LY6E: variants seen among roughly 807,000 people sequenced by gnomAD.
LY6E encodes lymphocyte antigen 6E.
A neutral mutation model predicts 7.7 loss-of-function variants in LY6E; 4 were observed. The ratio of observed to expected loss-of-function variants is 0.52; its 90% CI spans 0.25 to 1.18. The LOEUF (loss-of-function observed/expected upper bound fraction) is 1.18. Among genes scored for constraint, LY6E ranks in the 50% most tolerant of loss-of-function variants. The probability of loss-of-function intolerance (pLI) is 0.14; values close to 1 mark genes in which losing one functional copy is unlikely to be tolerated. For synonymous variants in LY6E, 81 were observed against 80.1 expected (o/e 1.01, Z -0.06); for missense variants, 156 against 168.0 (o/e 0.93, Z 0.40).
chr8:143,019,928 G>A (rs1819176479), intron 1 of LY6E, among the ~76,000 whole-genome samples: 1 of 152,236 alleles, frequency 6.6e-6, no homozygotes, highest in Admixed American at 6.5e-5. Context: ...CCTGTGCAGA[G>A]GCCGAGGAGC....
Position 143,021,875 on chromosome 8 carries a change from C to T in LY6E, c.*86C>T. On this transcript the variant is annotated 3_prime_UTR_variant, in exon 4 of 4. Transcript: ENST00000292494. ...TCCCACAGTGTATGGGAGCCCCTGACTCCTCACGTGCCTGATCTGTGCCCT... is the reference window on the plus strand; with the variant it reads ...TCCCACAGTGTATGGGAGCCCCTGATTCCTCACGTGCCTGATCTGTGCCCT... 1 of 1,232,762 alleles carries T rather than the reference C, an allele frequency of 8.1e-7. No individual in the cohort carries two copies. Among genetic ancestry groups the T allele is most frequent in the South Asian group, 1.4e-5 (1 of 69,636 alleles). 76.4% of individuals were successfully genotyped at this position (1,232,762 alleles called of 1,614,324 possible).
intron 1 of LY6E, 109 bp from the exon 2 acceptor site, chr8:143,020,774 G>A (rs1445937255): frequency 6.3e-6 from 4 of 634,118 alleles, no homozygotes; most frequent in Non-Finnish European, 1.1e-5. Flanking sequence ...TTGTGTGCTG[G>A]CAGGTCCCTT....
intron 1 of LY6E, among the ~76,000 whole-genome samples, chr8:143,019,581 G>A (rs1475901024): frequency 6.6e-6 from 1 of 152,228 alleles, no homozygotes; most frequent in African/African-American, 2.4e-5. Flanking sequence ...CCTGGAGGCG[G>A]GGATAGGCCC....
chr8:143,019,553 T>A (rs930145010), intron 1 of LY6E, among the ~76,000 whole-genome samples: 1 of 152,190 alleles, frequency 6.6e-6, no homozygotes, highest in Non-Finnish European at 1.5e-5. Context: ...TTGGAGATCC[T>A]TCCTCCTCGG....
In LY6E at chr8:143,021,815, C is replaced by T; in HGVS notation, c.*26C>T. 6.4e-7 allele frequency: 1 copy of T among 1,568,184 alleles called. No individual in the cohort carries two copies. The highest frequency in any genetic ancestry group is 8.6e-7 in the Non-Finnish European group (1 of 1,159,620). ...CCGCCCAGACCCTGTCCCCCGATCC[C>T]CCAGCTCAGGAAGGAAAGCCCAGCC... is the stretch of plus-strand genomic sequence containing the variant. On this transcript the variant is annotated 3_prime_UTR_variant, in exon 4 of 4. Transcript: ENST00000292494.
chr8:143,021,465 C>A, intron 3 of LY6E, 32 bp downstream of exon 3: 1 of 1,613,810 alleles, frequency 6.2e-7, no homozygotes, highest in Non-Finnish European at 8.5e-7. Context: ...GTGCCTTCCT[C>A]CCCTGGCCAT....
intron 1 of LY6E, 73 bp from the exon 2 acceptor site, chr8:143,020,810 T>C: frequency 1.3e-6 from 1 of 783,418 alleles, no homozygotes; most frequent in Non-Finnish European, 2.1e-6. Flanking sequence ...TGTCCTCATC[T>C]GCAAAGTGGG....
Position 143,021,299 on chromosome 8 carries a change from G to A in LY6E, c.53-15G>A, listed in dbSNP as rs755812045. On this transcript the variant is annotated splice_polypyrimidine_tract_variant and intron_variant, in intron 2 of 3. Transcript: ENST00000292494. The stretch of plus-strand genomic sequence containing the variant: ...CTGGAGGCTTCCCTGAGACAGGTGT[G>A]TCCTCCTTCCGCAGCCAGCTCGCTG... The A allele has an allele frequency of 2.5e-6, 4 of 1,611,288 alleles. No homozygotes were observed. In the African/African-American group the frequency reaches 5.3e-5, roughly 21 times the overall value.
At chr8:143,020,068 G>C (rs983835069) in intron 1 of LY6E, among the ~76,000 whole-genome samples, 2 of 152,126 alleles carry the variant, frequency 1.3e-5, no homozygotes, top group Non-Finnish European at 2.9e-5. Context: ...CCTCGGAACT[G>C]AGTAACATCA....
chr8:143,021,929 C>T lies in LY6E; in HGVS notation c.*140C>T, dbSNP rs1819236680. ...TCCCAGGTCAGGCCCACCCCCTGCA[C>T]CTCCACCTGCCCCAGCCCCTGCCTC... is the stretch of plus-strand genomic sequence containing the variant. On this transcript the variant is annotated 3_prime_UTR_variant, in exon 4 of 4. Transcript: ENST00000292494. The T allele has an allele frequency of 2.8e-6, 2 of 724,678 alleles. No individual in the cohort carries two copies. Among genetic ancestry groups the T allele is most frequent in the East Asian group, 2.7e-5 (1 of 36,734 alleles). 44.9% of individuals were successfully genotyped at this position (724,678 alleles called of 1,614,324 possible). A position where few individuals can be genotyped will look rare whatever the true frequency, so the allele number is the denominator to read the frequency against.
At position 143,022,118 on chromosome 8, in the gene LY6E, G is replaced by C. The variant is rs1176672995; in HGVS notation, c.*329G>C. The C allele has an allele frequency of 2.1e-6, 1 of 471,718 alleles. No homozygotes were observed. Among genetic ancestry groups the C allele is most frequent in the African/African-American group, 2.0e-5 (1 of 51,264 alleles). 29.2% of individuals were successfully genotyped at this position (471,718 alleles called of 1,614,324 possible). On this transcript the variant is annotated 3_prime_UTR_variant, in exon 4 of 4. Coordinates refer to ENST00000292494, the MANE Select transcript of LY6E (RefSeq NM_002346.3). ...TCCCCAGGGAGACCGTGTCAGTAGG[G>C]ATGTGTGCCTGGCTGTGTACGTGGG...
rs4478552 is a variant in LY6E, at chr8:143,022,053, T to C, written c.*264T>C. 1 of 562,688 alleles carries C rather than the reference T, an allele frequency of 1.8e-6. No homozygotes were observed. The highest frequency in any genetic ancestry group is 3.1e-6 in the Non-Finnish European group (1 of 318,100). 34.9% of individuals were successfully genotyped at this position (562,688 alleles called of 1,614,324 possible). A position where few individuals can be genotyped will look rare whatever the true frequency, so the allele number is the denominator to read the frequency against. On this transcript the variant is annotated 3_prime_UTR_variant, in exon 4 of 4. Coordinates refer to ENST00000292494, the MANE Select transcript of LY6E (RefSeq NM_002346.3). ...ACGAGGGTTCCCTGGAGTCTTACGGTCCAACATCAGGACCAAGTCCCATGG... is the reference window on the plus strand; with the variant it reads ...ACGAGGGTTCCCTGGAGTCTTACGGCCCAACATCAGGACCAAGTCCCATGG...
rs1282194884 is a variant in LY6E at position 143,022,238 on chromosome 8, C to T, written c.*449C>T. 3 of 189,102 alleles carry T rather than the reference C, an allele frequency of 1.6e-5. No individual in the cohort carries two copies. Among genetic ancestry groups the T allele is most frequent in the African/African-American group, 2.3e-5 (1 of 42,612 alleles). The allele number at this position is 189,102 out of a possible 1,614,324, so 11.7% of individuals were successfully genotyped here. ...CCTGGAGAGCCTCAGTCCCTGTAGC[C>T]CCCTGCCCTGGCACAGCTGCATGCA... On this transcript the variant is annotated 3_prime_UTR_variant, in exon 4 of 4. Coordinates refer to ENST00000292494, the MANE Select transcript of LY6E (RefSeq NM_002346.3).
Position 143,021,912 on chromosome 8 carries a change from C to A in LY6E, c.*123C>A. On this transcript the variant is annotated 3_prime_UTR_variant, in exon 4 of 4. Transcript: ENST00000292494. ...CTGATCTGTGCCCTTGGTCCCAGGT[C>A]AGGCCCACCCCCTGCACCTCCACCT... is the stretch of plus-strand genomic sequence containing the variant. 1.1e-6 allele frequency: 1 copy of A among 874,342 alleles called. No homozygotes were observed. The highest frequency in any genetic ancestry group is 1.7e-5 in the South Asian group (1 of 57,398). 54.2% of individuals were successfully genotyped at this position (874,342 alleles called of 1,614,324 possible). A position where few individuals can be genotyped will look rare whatever the true frequency, so the allele number is the denominator to read the frequency against.
rs559884419 is a variant in LY6E at position 143,019,832 on chromosome 8, C to G, written c.-57-1051C>G. On this transcript the variant is annotated intron_variant, in intron 1 of 3. Coordinates refer to ENST00000292494, the MANE Select transcript of LY6E (RefSeq NM_002346.3). Reference sequence around the variant, plus strand: ...TCCCTGACAGAAGGCAGCAGCCTCCCCCTCCAACACCATGCACTCACAAAA... The same window carrying G: ...TCCCTGACAGAAGGCAGCAGCCTCCGCCTCCAACACCATGCACTCACAAAA... 4.6e-5 allele frequency among the ~76,000 whole-genome samples: 7 copies of G among 152,352 alleles called. No homozygotes were observed. In the East Asian group the frequency reaches 1.3e-3, roughly 29 times the overall value.
At chr8:143,020,587 C>T (rs968057695) in intron 1 of LY6E, among the ~76,000 whole-genome samples, 2 of 152,172 alleles carry the variant, frequency 1.3e-5, no homozygotes, top group Non-Finnish European at 1.5e-5. Flanking sequence ...CATTCCCCCA[C>T]CCCAGGACCA....
At chr8:143,019,522 G>A (rs1819163170) in intron 1 of LY6E, among the ~76,000 whole-genome samples, 2 of 152,184 alleles carry the variant, frequency 1.3e-5, no homozygotes. Flanking sequence ...CCTCACTTTA[G>A]GGGGGTGGGG....
chr8:143,021,715 C>A lies in LY6E; in HGVS notation c.322C>A (p.Arg108=), dbSNP rs201707330. The change falls in exon 4 of 4, where the codon CGG becomes AGG. Residue 108 remains arginine (R), a synonymous_variant. Coordinates refer to ENST00000292494, the MANE Select transcript of LY6E (RefSeq NM_002346.3). Reference sequence around the variant, plus strand: ...TTTCAGTGCGGCCGATGGCGGGCTGCGGGCAAGCGTCACCCTGCTGGGTGC... The same window carrying A: ...TTTCAGTGCGGCCGATGGCGGGCTGAGGGCAAGCGTCACCCTGCTGGGTGC... ...CNFSAADGGL[R]ASVTLLGAGL... is the part of the protein sequence containing the mutation. 6.2e-7 allele frequency: 1 copy of A among 1,613,228 alleles called. No individual in the cohort carries two copies.
chr8:143,021,150 G>A (rs977532686), intron 2 of LY6E, among the ~76,000 whole-genome samples, 159 bp downstream of exon 2: 2 of 152,190 alleles, frequency 1.3e-5, no homozygotes, highest in Non-Finnish European at 2.9e-5. Flanking sequence ...GTGTGTTTGA[G>A]TGTCGCTTGA....
Sources: gnomAD v4.1 joint callset for allele counts (sites outside exome capture counted in the v4.1 genomes callset) on GRCh38, gnomAD v4.1.1 for gene constraint, MANE v1.5 for transcripts, NCBI Gene and HGNC (gene_info 2026-07-23, HGNC 2026-07-21) for gene names.